The following TMOD1 variants were observed in gnomAD, a reference collection of about 807,000 sequenced individuals.
TMOD1 encodes the protein tropomodulin 1, also known as tropomodulin-1.
Under a neutral mutation model 40.6 loss-of-function variants are expected in TMOD1, and 17 were observed. That is an observed-to-expected ratio of 0.42 (90% CI 0.29 to 0.63). TMOD1 has a LOEUF of 0.63. Ranked by LOEUF, TMOD1 falls within the 20% of genes least tolerant of loss-of-function variation. The probability of loss-of-function intolerance (pLI) is 0.22; values close to 1 mark genes in which losing one functional copy is unlikely to be tolerated. For synonymous variants in TMOD1, 181 were observed against 175.0 expected (o/e 1.03, Z -0.27); for missense variants, 391 against 447.6 (o/e 0.87, Z 1.14).
chr9:97,556,879 G>A (rs1211364444), intron 4 of TMOD1, among the ~76,000 whole-genome samples: 2 of 152,132 alleles, frequency 1.3e-5, no homozygotes, highest in Non-Finnish European at 2.9e-5. Context: ...CAGGAGGAGC[G>A]GTTCCGGGCT....
chr9:97,539,505 G>A (rs561377602), intron 2 of TMOD1, among the ~76,000 whole-genome samples: 5 of 152,162 alleles, frequency 3.3e-5, no homozygotes, highest in South Asian at 4.1e-4. Flanking sequence ...CAGCATCACC[G>A]TGAACCACTG....
chr9:97,535,852 C>T (rs1185123938), intron 2 of TMOD1, among the ~76,000 whole-genome samples: 3 of 152,164 alleles, frequency 2.0e-5, no homozygotes, highest in Non-Finnish European at 4.4e-5. Flanking sequence ...TTTCACCAGC[C>T]CTGCATCAAG....
chr9:97,545,894 C>G (rs1466958068), intron 2 of TMOD1, among the ~76,000 whole-genome samples: 2 of 152,166 alleles, frequency 1.3e-5, no homozygotes, highest in Non-Finnish European at 2.9e-5. Context: ...TGACCCCTCA[C>G]CTCCTCTCCT....
intron 1 of TMOD1, 53 bp from the exon 2 acceptor site, chr9:97,524,088 C>A: frequency 7.0e-7 from 1 of 1,430,020 alleles, no homozygotes; most frequent in Non-Finnish European, 9.4e-7. Flanking sequence ...TCCATTTGCT[C>A]TGAGAGAGCA....
rs752771733 is a variant in TMOD1, at chr9:97,562,805, C to A, written c.471C>A (p.Asn157Lys). The change falls in exon 5 of 10, where the codon AAC becomes AAA. Residue 157 changes from asparagine to lysine, a missense_variant. Transcript: ENST00000259365. ...YQALSSSSIMNKEGLNSVIKP... is the reference protein window; with the variant it reads ...YQALSSSSIMKKEGLNSVIKP... ...CCCTGAGCAGCAGCTCCATCATGAA[C>A]AAGGAGGGGCTCAACAGTGAGTATG... 6.3e-7 allele frequency: 1 copy of A among 1,584,742 alleles called. No homozygotes were observed. Among genetic ancestry groups the A allele is most frequent in the South Asian group, 1.2e-5 (1 of 85,584 alleles).
chr9:97,510,724 G>C (rs551101435), intron 1 of TMOD1, among the ~76,000 whole-genome samples: 41 of 152,252 alleles, frequency 2.7e-4, no homozygotes, highest in African/African-American at 9.6e-4. Context: ...GTGGGAGTAG[G>C]GGTGCCTGAA....
intron 6 of TMOD1, among the ~76,000 whole-genome samples, chr9:97,564,414 T>A (rs1830694838): frequency 6.6e-6 from 1 of 152,142 alleles, no homozygotes; most frequent in Non-Finnish European, 1.5e-5. Context: ...GGCCCAGATG[T>A]TTAGCACGGG....
chr9:97,542,226 T>C (rs1039072122), intron 2 of TMOD1, among the ~76,000 whole-genome samples: 1 of 152,218 alleles, frequency 6.6e-6, no homozygotes, highest in Non-Finnish European at 1.5e-5. Flanking sequence ...AATATGCATC[T>C]ATCTTTGGTT....
chr9:97,523,238 A>C (rs1275763837), intron 1 of TMOD1, among the ~76,000 whole-genome samples: 1 of 152,180 alleles, frequency 6.6e-6, no homozygotes, highest in African/African-American at 2.4e-5. Context: ...CAGGGTCCAA[A>C]TGCGTTGGGT....
Position 97,600,130 on chromosome 9 carries a change from A to G in TMOD1, c.*432A>G. 1.0e-6 allele frequency: 1 copy of G among 1,004,772 alleles called. No homozygotes were observed. The highest frequency in any genetic ancestry group is 1.2e-6 in the Non-Finnish European group (1 of 839,606). 62.2% of individuals were successfully genotyped at this position (1,004,772 alleles called of 1,614,324 possible). ...TTATTACAAATTTGTCTTAGCTATT[A>G]GCAAATAAAACTGATTATCATTCTT... On this transcript the variant is annotated 3_prime_UTR_variant, in exon 10 of 10. Coordinates refer to ENST00000259365, the MANE Select transcript of TMOD1 (RefSeq NM_003275.4).
chr9:97,542,789 G>A (rs994762697), intron 2 of TMOD1, among the ~76,000 whole-genome samples: 1 of 149,458 alleles, frequency 6.7e-6, no homozygotes, highest in Non-Finnish European at 1.5e-5. Context: ...GGCAGAAGTT[G>A]CAGTGAGCCG....
intron 8 of TMOD1, among the ~76,000 whole-genome samples, chr9:97,580,392 AG>A (rs1396361990): frequency 1.4e-4 from 21 of 152,152 alleles, no homozygotes; most frequent in African/African-American, 3.9e-4. Context: ...GGATCACTTG[AG>A]GCCGAGTTCG....
At chr9:97,550,117 T>C (rs1450725238) in intron 3 of TMOD1, among the ~76,000 whole-genome samples, 2 of 152,248 alleles carry the variant, frequency 1.3e-5, no homozygotes, top group African/African-American at 4.8e-5. Context: ...TTGTATACTT[T>C]CTACAAATGA....
At chr9:97,564,274 C>T in intron 6 of TMOD1, 106 bp downstream of exon 6, 2 of 1,410,998 alleles carry the variant, frequency 1.4e-6, no homozygotes, top group East Asian at 5.0e-5. Context: ...AAACAGGGTC[C>T]TGTTTGGATT....
chr9:97,539,115 T>C (rs1189352105), intron 2 of TMOD1, among the ~76,000 whole-genome samples: 1 of 152,208 alleles, frequency 6.6e-6, no homozygotes, highest in Non-Finnish European at 1.5e-5. Flanking sequence ...ATCTCCCTGG[T>C]TACTCCAATT....
Position 97,600,681 on chromosome 9 carries a change from C to A in TMOD1, c.*983C>A. 1.0e-6 allele frequency: 1 copy of A among 998,066 alleles called. No homozygotes were observed. Among genetic ancestry groups the A allele is most frequent in the Non-Finnish European group, 1.2e-6 (1 of 837,702 alleles). The allele number at this position is 998,066 out of a possible 1,614,324, so 61.8% of individuals were successfully genotyped here. On this transcript the variant is annotated 3_prime_UTR_variant, in exon 10 of 10. Coordinates refer to ENST00000259365, the MANE Select transcript of TMOD1 (RefSeq NM_003275.4). ...AGACAAATTGCTGCTGACCTTACGC[C>A]TGTATATTAAGCCTCCGCAGGATGC...
At chr9:97,595,732 G>GGACT (rs1298915984) in intron 9 of TMOD1, among the ~76,000 whole-genome samples, 3 of 151,844 alleles carry the variant, frequency 2.0e-5, no homozygotes, top group Non-Finnish European at 4.4e-5. Context: ...TCCAGAAGTG[G>GGACT]GACTGCTGGA....
intron 1 of TMOD1, among the ~76,000 whole-genome samples, chr9:97,508,060 C>T (rs1172112645): frequency 2.7e-4 from 4 of 14,628 alleles, no homozygotes; most frequent in African/African-American, 1.8e-3. Flanking sequence ...TCCTGATTCA[C>T]ACACACACAC....
rs534729688 is a variant in TMOD1 at position 97,564,226 on chromosome 9, A to G, written c.618+58A>G. On this transcript the variant is annotated intron_variant, in intron 6 of 9. Coordinates refer to ENST00000259365, the MANE Select transcript of TMOD1 (RefSeq NM_003275.4). ...TGGCTGGGGGAGGGGGAACCATGTC[A>G]CCCAAATGCAAACGGTCCAGGGTTG... 1.6e-5 allele frequency: 25 copies of G among 1,541,206 alleles called. No homozygotes were observed. In the Admixed American group the frequency reaches 2.4e-4, roughly 15 times the overall value.
Sources: allele counts gnomAD v4.1 joint callset (sites outside exome capture counted in the v4.1 genomes callset), GRCh38; gene constraint gnomAD v4.1.1; transcripts MANE v1.5; gene names NCBI Gene and HGNC (gene_info 2026-07-23, HGNC 2026-07-21).